GRID2: variants seen among roughly 807,000 people sequenced by gnomAD.
GRID2 encodes glutamate receptor ionotropic, delta-2.
Under a neutral mutation model 114.8 loss-of-function variants are expected in GRID2, and 33 were observed. That is an observed-to-expected ratio of 0.29 (90% CI 0.22 to 0.38). GRID2 has a LOEUF of 0.38. GRID2 is among the 10% of genes least tolerant of loss of function. GRID2 has a pLI of 1.00. For missense variants in GRID2, 1,184 were observed against 1,257.7 expected (o/e 0.94, Z 0.89); for synonymous variants, 505 against 449.9 (o/e 1.12, Z -1.55).
intron 1 of GRID2, among the ~76,000 whole-genome samples, chr4:92,475,695 T>A (rs1381810785): frequency 2.6e-5 from 4 of 152,050 alleles, no homozygotes; most frequent in Admixed American, 2.6e-4. Context: ...GATTATTTTT[T>A]AATTTTGTGT....
chr4:92,981,847 T>G, intron 2 of GRID2, among the ~76,000 whole-genome samples: 1 of 151,764 alleles, frequency 6.6e-6, no homozygotes, highest in East Asian at 1.9e-4. Context: ...TTTTAATTCT[T>G]TGTTAAACTG....
At chr4:92,516,198 AT>A (rs1724492776) in intron 1 of GRID2, among the ~76,000 whole-genome samples, 1 of 151,866 alleles carries the variant, frequency 6.6e-6, no homozygotes, top group African/African-American at 2.4e-5. Context: ...TGGCTAGTAC[AT>A]TTTGCTTTGT....
intron 13 of GRID2, among the ~76,000 whole-genome samples, chr4:93,556,823 T>C (rs994924247): frequency 6.6e-6 from 1 of 151,948 alleles, no homozygotes; most frequent in African/African-American, 2.4e-5. Context: ...AAGGACAAAC[T>C]GTTAAGGGCA....
chr4:93,789,651 A>G (rs1315335868), intron 1 of GRID2, among the ~76,000 whole-genome samples: 2 of 152,192 alleles, frequency 1.3e-5, no homozygotes, highest in Non-Finnish European at 2.9e-5. Context: ...TTCTATTCTC[A>G]TCAGAATAAT....
chr4:93,221,491 G>A (rs1469017304), intron 6 of GRID2, among the ~76,000 whole-genome samples: 2 of 152,098 alleles, frequency 1.3e-5, no homozygotes, highest in East Asian at 3.9e-4. Flanking sequence ...TTTTAGAGGT[G>A]ATGTATGTTT....
intron 14 of GRID2, among the ~76,000 whole-genome samples, chr4:93,727,717 G>C (rs1355527249): frequency 6.6e-6 from 1 of 152,192 alleles, no homozygotes. Flanking sequence ...AGTCTTGGGA[G>C]AGTGTATGTG....
chr4:93,422,843 G>A lies in GRID2; in HGVS notation c.1420G>A (p.Val474Ile), dbSNP rs1768430490. The change falls in exon 10 of 16, where the codon GTT (valine) becomes ATT (isoleucine). Residue 474 changes from valine (V) to isoleucine (I), a missense_variant. Around this residue, in one of 3 missense-constraint regions of GRID2, gnomAD observed 717 missense variants for 796.9 expected, o/e 0.90. Coordinates refer to ENST00000282020, the MANE Select transcript of GRID2 (RefSeq NM_001510.4). ...PKKYQGFSIDVLDALSNYLGF... is the reference protein window; with the variant it reads ...PKKYQGFSIDILDALSNYLGF... ...GAAATACCAGGGCTTCTCCATTGAT[G>A]TTTTGGATGCCTTATCTAACTACCT... 1 of 1,613,446 alleles carries A rather than the reference G, an allele frequency of 6.2e-7. No individual in the cohort carries two copies. The highest frequency in any genetic ancestry group is 8.5e-7 in the Non-Finnish European group (1 of 1,179,414).
At chr4:93,570,802 G>A (rs1735863842) in intron 13 of GRID2, among the ~76,000 whole-genome samples, 1 of 152,080 alleles carries the variant, frequency 6.6e-6, no homozygotes, top group Non-Finnish European at 1.5e-5. Context: ...TATAATTATA[G>A]ACATCTTATG....
chr4:92,855,749 T>C (rs1212373347), intron 2 of GRID2, among the ~76,000 whole-genome samples: 1 of 152,018 alleles, frequency 6.6e-6, no homozygotes, highest in Non-Finnish European at 1.5e-5. Context: ...GATTACTTCA[T>C]AAGTATAATA....
chr4:92,445,670 G>T (rs555207896), intron 1 of GRID2, among the ~76,000 whole-genome samples: 185 of 152,290 alleles, frequency 1.2e-3, no homozygotes, highest in Non-Finnish European at 2.3e-3. Context: ...ACAAGCCATG[G>T]GAAGAGGTCT....
chr4:93,349,536 AG>A lies in GRID2; in HGVS notation c.1246-46070del, dbSNP rs577169667. Among the ~76,000 whole-genome samples, 160 of 152,220 alleles carry A rather than the reference AG, an allele frequency of 1.1e-3. 2 individuals are homozygous for A. The highest frequency in any genetic ancestry group is 3.9e-4 in the East Asian group (2 of 5,178). On this transcript the variant is annotated intron_variant, in intron 8 of 15. Transcript: ENST00000282020. ...GTTACACTAGAATATTGCTCCTTCT[AG>A]CCCCATAGAATTTAGCAGAGTTTTG...
chr4:93,014,659 A>T (rs1480700089), intron 2 of GRID2, among the ~76,000 whole-genome samples: 1 of 152,142 alleles, frequency 6.6e-6, no homozygotes, highest in Non-Finnish European at 1.5e-5. Context: ...TATTAATGAG[A>T]TTTCCATGAC....
At chr4:92,550,387 A>AT (rs1374304275) in intron 1 of GRID2, among the ~76,000 whole-genome samples, 47 of 152,302 alleles carry the variant, frequency 3.1e-4, no homozygotes, top group African/African-American at 1.1e-3. Flanking sequence ...CCATCAACTT[A>AT]TTCTTTTAAT....
rs925062774 is a variant in GRID2 at position 92,590,183 on chromosome 4, G to A, written c.141G>A (p.Ala47=). The change falls in exon 2 of 16, where the codon GCG becomes GCA. Residue 47 remains alanine, a synonymous_variant. Coordinates refer to ENST00000282020, the MANE Select transcript of GRID2 (RefSeq NM_001510.4). ...AKKDDEVFRT[A]VGDLNQNEEI... ...AGGATGATGAGGTATTTCGCACTGCGGTTGGTGACCTTAACCAGAATGAGG... is the reference window on the plus strand; with the variant it reads ...AGGATGATGAGGTATTTCGCACTGCAGTTGGTGACCTTAACCAGAATGAGG... The A allele has an allele frequency of 9.9e-6, 16 of 1,611,768 alleles. No homozygotes were observed. Among genetic ancestry groups the A allele is most frequent in the Middle Eastern group, 1.6e-4 (1 of 6,078 alleles).
At chr4:93,274,574 G>A (rs569131367) in intron 8 of GRID2, among the ~76,000 whole-genome samples, 3 of 152,032 alleles carry the variant, frequency 2.0e-5, no homozygotes, top group Non-Finnish European at 4.4e-5. Context: ...CAAGGTTTTA[G>A]GTACAATATG....
chr4:93,728,436 G>C (rs1730149725), intron 14 of GRID2, among the ~76,000 whole-genome samples: 1 of 152,130 alleles, frequency 6.6e-6, no homozygotes, highest in Non-Finnish European at 1.5e-5. Context: ...TAGGTGTGGT[G>C]TGGTGCTGAA....
At chr4:93,405,948 A>G (rs1766369023) in intron 9 of GRID2, among the ~76,000 whole-genome samples, 1 of 152,178 alleles carries the variant, frequency 6.6e-6, no homozygotes, top group African/African-American at 2.4e-5. Flanking sequence ...GCTTACAGAT[A>G]ACATTACCAT....
At chr4:92,384,580 ATAT>A (rs869106881) in intron 1 of GRID2, among the ~76,000 whole-genome samples, 19 of 57,956 alleles carry the variant, frequency 3.3e-4, no homozygotes, top group African/African-American at 1.1e-3. Flanking sequence ...TATATAAAAT[ATAT>A]TATATTATAT....
chr4:92,677,753 C>T lies in GRID2; in HGVS notation c.244+87467C>T, dbSNP rs1462796560. Among the ~76,000 whole-genome samples the T allele has an allele frequency of 5.3e-5, 8 of 152,192 alleles. No individual in the cohort carries two copies. The South Asian group carries it at 1.5e-3, about 28-fold the overall frequency. ...TCTATTATCCAGGATTAGATCACTT[C>T]TACCCTGTTCCAAAGTGACTTCCTT... is the stretch of plus-strand genomic sequence containing the variant. On this transcript the variant is annotated intron_variant, in intron 2 of 15. Coordinates refer to ENST00000282020, the MANE Select transcript of GRID2 (RefSeq NM_001510.4).
Sources: allele counts gnomAD v4.1 joint callset (sites outside exome capture counted in the v4.1 genomes callset), GRCh38; gene constraint gnomAD v4.1.1; regional missense constraint gnomAD v4.1.1; transcripts MANE v1.5; gene names NCBI Gene and HGNC (gene_info 2026-07-23, HGNC 2026-07-21).